PEBP4: variants seen among roughly 807,000 people sequenced by gnomAD.
PEBP4 encodes the protein phosphatidylethanolamine binding protein 4.
A neutral mutation model predicts 23.9 loss-of-function variants in PEBP4; 22 were observed. That is an observed-to-expected ratio of 0.92 (90% CI 0.66 to 1.31). The LOEUF (loss-of-function observed/expected upper bound fraction) is 1.31, where lower values mean the gene tolerates loss of function less well. Ranked by LOEUF, PEBP4 falls within the 40% of genes most tolerant of loss-of-function variation. The pLI is 0.00. For synonymous variants in PEBP4, 112 were observed against 99.3 expected, an observed-to-expected ratio of 1.13 and a Z score of -0.76; for missense variants, 324 against 281.7, an observed-to-expected ratio of 1.15 and a Z score of -1.07.
chr8:22,776,299 T>C (rs1805814011), intron 4 of PEBP4, among the ~76,000 whole-genome samples: 1 of 152,168 alleles, frequency 6.6e-6, no homozygotes, highest in African/African-American at 2.4e-5. Flanking sequence ...TTTTTACTCA[T>C]AGATGAGATT....
Position 22,786,165 on chromosome 8 carries a change from C to T in PEBP4, c.357+31472G>A, listed in dbSNP as rs76642324. 5.5e-3 allele frequency among the ~76,000 whole-genome samples: 840 copies of T among 152,260 alleles called. 7 individuals are homozygous for T. The highest frequency in any genetic ancestry group is 0.019 in the African/African-American group (788 of 41,532). On this transcript the variant is annotated intron_variant, in intron 4 of 6. Transcript: ENST00000256404. The stretch of plus-strand genomic sequence containing the variant: ...CACTAAACCGTTTGTTCTGGAGGGG[C>T]TCTGGATTAGTGGTACTAAGGAAAG...
At chr8:22,791,852 A>G (rs1806146365) in intron 4 of PEBP4, among the ~76,000 whole-genome samples, 1 of 143,746 alleles carries the variant, frequency 7.0e-6, no homozygotes, top group Non-Finnish European at 1.5e-5. Flanking sequence ...AACATTTAAA[A>G]GCACTGGATT....
intron 4 of PEBP4, among the ~76,000 whole-genome samples, chr8:22,808,279 C>G (rs902211620): frequency 6.6e-6 from 1 of 152,214 alleles, no homozygotes; most frequent in East Asian, 1.9e-4. Context: ...ATCCATCCAT[C>G]CACCAACCAC....
At chr8:22,728,543 C>CTTTCTTTCTTTCTTTCTTT (rs1804663557) in intron 4 of PEBP4, among the ~76,000 whole-genome samples, 1 of 115,344 alleles carries the variant, frequency 8.7e-6, no homozygotes, top group African/African-American at 3.1e-5. Flanking sequence ...TTTCTTCCTT[C>CTTTCTTTCTTTCTTTCTTT]CTTTCTTTCT....
intron 3 of PEBP4, among the ~76,000 whole-genome samples, chr8:22,901,745 T>G (rs1387552595): frequency 6.6e-6 from 1 of 152,158 alleles, no homozygotes; most frequent in Non-Finnish European, 1.5e-5. Flanking sequence ...TGGCCACTGT[T>G]GAAAAGAAAT....
At chr8:22,882,389 G>A (rs936429751) in intron 3 of PEBP4, among the ~76,000 whole-genome samples, 21 of 152,220 alleles carry the variant, frequency 1.4e-4, no homozygotes, top group Non-Finnish European at 2.8e-4. Flanking sequence ...GCCAGCAGGG[G>A]GTCCCAGTTG....
chr8:22,877,752 T>C lies in PEBP4; in HGVS notation c.258+42432A>G, dbSNP rs530924127. Among the ~76,000 whole-genome samples, 21 of 152,246 alleles carry C rather than the reference T, an allele frequency of 1.4e-4. No individual in the cohort carries two copies. In the East Asian group the frequency reaches 2.5e-3, roughly 18 times the overall value. The stretch of plus-strand genomic sequence containing the variant: ...CTTTCCTCGAATTGACAACAGCTTC[T>C]CGCTGTCGCTCGGCAGAACATGAGC... On this transcript the variant is annotated intron_variant, in intron 3 of 6. Coordinates refer to ENST00000256404, the MANE Select transcript of PEBP4 (RefSeq NM_144962.3).
intron 2 of PEBP4, among the ~76,000 whole-genome samples, chr8:22,926,324 C>T (rs1214118696): frequency 1.3e-5 from 2 of 151,846 alleles, no homozygotes; most frequent in Non-Finnish European, 2.9e-5. Flanking sequence ...CTGACACGAA[C>T]AAAGTTTGTT....
intron 2 of PEBP4, among the ~76,000 whole-genome samples, chr8:22,925,540 T>C (rs1460131484): frequency 6.6e-6 from 1 of 151,952 alleles, no homozygotes; most frequent in African/African-American, 2.4e-5. Flanking sequence ...AGTCAAGGAG[T>C]CCAGGCACCG....
chr8:22,828,670 C>T (rs1332647347), intron 3 of PEBP4, among the ~76,000 whole-genome samples: 1 of 152,232 alleles, frequency 6.6e-6, no homozygotes, highest in South Asian at 2.1e-4. Flanking sequence ...AATACATCCT[C>T]TGTCTTGGTT....
intron 4 of PEBP4, among the ~76,000 whole-genome samples, chr8:22,793,199 TA>T (rs753046208): frequency 6.6e-6 from 1 of 152,212 alleles, no homozygotes; most frequent in Non-Finnish European, 1.5e-5. Context: ...TCTTTTCATG[TA>T]AAAAATGGCA....
intron 1 of PEBP4, among the ~76,000 whole-genome samples, chr8:22,933,121 C>T (rs943809286): frequency 6.6e-6 from 1 of 152,130 alleles, no homozygotes; most frequent in African/African-American, 2.4e-5. Context: ...TCCTTAAACT[C>T]AAAGAAGGAG....
At chr8:22,805,375 G>T (rs1178761614) in intron 4 of PEBP4, among the ~76,000 whole-genome samples, 2 of 151,996 alleles carry the variant, frequency 1.3e-5, no homozygotes, top group Non-Finnish European at 1.5e-5. Flanking sequence ...TGCCCAGGCT[G>T]GAGTGCGATG....
chr8:22,846,290 C>T (rs1807435415), intron 3 of PEBP4, among the ~76,000 whole-genome samples: 1 of 152,140 alleles, frequency 6.6e-6, no homozygotes, highest in Non-Finnish European at 1.5e-5. Context: ...TGGTCCTGCA[C>T]GACCAGGGCT....
At chr8:22,810,888 G>C (rs1806611414) in intron 4 of PEBP4, among the ~76,000 whole-genome samples, 1 of 148,472 alleles carries the variant, frequency 6.7e-6, no homozygotes, top group Admixed American at 6.6e-5. Context: ...GAGAGAGAGA[G>C]AGAGAGAGAG....
At chr8:22,785,780 A>T (rs1806015365) in intron 4 of PEBP4, among the ~76,000 whole-genome samples, 1 of 152,162 alleles carries the variant, frequency 6.6e-6, no homozygotes, top group African/African-American at 2.4e-5. Context: ...CTTGTCAATG[A>T]CTGTGAATAG....
chr8:22,769,645 C>T (rs930217079), intron 4 of PEBP4, among the ~76,000 whole-genome samples: 2 of 152,138 alleles, frequency 1.3e-5, no homozygotes, highest in African/African-American at 4.8e-5. Flanking sequence ...CTGTCATCTC[C>T]CCATCACCCA....
At chr8:22,881,961 A>G (rs1313148669) in intron 3 of PEBP4, among the ~76,000 whole-genome samples, 1 of 152,112 alleles carries the variant, frequency 6.6e-6, no homozygotes, top group Non-Finnish European at 1.5e-5. Context: ...AAGCCTGGCT[A>G]CCTTGTGGGT....
rs116996031 is a variant in PEBP4 at position 22,787,727 on chromosome 8, C to A, written c.357+29910G>T. ...AAATAAACCACCACTACTACTCCTA[C>A]GGCTACGACTATGAGTAATTGTGCG... On this transcript the variant is annotated intron_variant, in intron 4 of 6. Coordinates refer to ENST00000256404, the MANE Select transcript of PEBP4 (RefSeq NM_144962.3). Among the ~76,000 whole-genome samples the A allele has an allele frequency of 2.8e-4, 43 of 152,290 alleles. 1 individual carries two copies. The South Asian group carries it at 8.7e-3, about 31-fold the overall frequency.
Sources: allele counts gnomAD v4.1 joint callset (sites outside exome capture counted in the v4.1 genomes callset), GRCh38; gene constraint gnomAD v4.1.1; transcripts MANE v1.5; gene names NCBI Gene and HGNC (gene_info 2026-07-23, HGNC 2026-07-21).